The following ZNF608 variants were observed in gnomAD, a reference collection of about 807,000 sequenced individuals.
ZNF608 encodes the protein zinc finger protein 608.
In ZNF608, 12 loss-of-function variants were observed where a neutral mutation model predicts 109.0. The ratio of observed to expected loss-of-function variants is 0.11; its 90% CI spans 0.07 to 0.18. The LOEUF (loss-of-function observed/expected upper bound fraction) is 0.18, where lower values mean the gene tolerates loss of function less well. Ranked by LOEUF, ZNF608 falls within the 10% of genes least tolerant of loss-of-function variation. The pLI is 1.00. For missense variants in ZNF608, 1,707 were observed against 1,879.3 expected (o/e 0.91, Z 1.70); for synonymous variants, 732 against 717.4 (o/e 1.02, Z -0.33).
chr5:124,675,710 T>C (rs1371172889), intron 3 of ZNF608, among the ~76,000 whole-genome samples: 1 of 152,200 alleles, frequency 6.6e-6, no homozygotes, highest in Non-Finnish European at 1.5e-5. Context: ...ATCTATCTGT[T>C]ATTTAAGGGA....
rs375485164 is a variant in ZNF608, at chr5:124,723,302, T to C, written c.906+20782A>G. On this transcript the variant is annotated intron_variant, in intron 2 of 9. Transcript: ENST00000513986. ...GGGATTATAGGCGTGAGCCGCGCCC[T>C]GCCTTATAGTCAGATTTATAATTCA... 1.5e-4 allele frequency among the ~76,000 whole-genome samples: 23 copies of C among 152,312 alleles called. No homozygotes were observed. In the East Asian group the frequency reaches 3.7e-3, roughly 24 times the overall value.
rs1273480328 is a variant in ZNF608, at chr5:124,646,808, C to G, written c.3576G>C (p.Gln1192His). ...KSQLLSNHQQ[Q>H]LQADSFKAKQ... ...TAGCTTTGAAGCTGTCGGCCTGAAG[C>G]TGCTGCTGGTGATTGGAGAGAAGCT... Residue 1192 changes from glutamine (Q) to histidine (H), a missense_variant, in exon 5 of 10, where the codon CAG becomes CAC. This residue lies in a region of ZNF608 where 1,073 missense variants were observed against 1,133.5 expected (regional missense o/e 0.95). Transcript: ENST00000513986. The G allele has an allele frequency of 6.2e-6, 10 of 1,614,254 alleles. No individual in the cohort carries two copies. Among genetic ancestry groups the G allele is most frequent in the Non-Finnish European group, 7.6e-6 (9 of 1,180,052 alleles).
rs192638165 is a variant in ZNF608 at position 124,688,574 on chromosome 5, T to A, written c.1162+12440A>T. 4.6e-5 allele frequency among the ~76,000 whole-genome samples: 7 copies of A among 152,364 alleles called. No homozygotes were observed. The East Asian group carries it at 9.6e-4, about 21-fold the overall frequency. ...TTAGGGGAAGCAGTTAGGCAATATG[T>A]GTTTCTACTACATTAGAAATGTTTG... On this transcript the variant is annotated intron_variant, in intron 3 of 9. Coordinates refer to ENST00000513986, the MANE Select transcript of ZNF608 (RefSeq NM_020747.3).
chr5:124,690,053 T>C (rs985239893), intron 3 of ZNF608, among the ~76,000 whole-genome samples: 2 of 152,180 alleles, frequency 1.3e-5, no homozygotes, highest in African/African-American at 2.4e-5. Context: ...CTCCCAAGCA[T>C]TGAGTTATTG....
intron 3 of ZNF608, among the ~76,000 whole-genome samples, chr5:124,652,026 C>A (rs1750809178): frequency 6.6e-6 from 1 of 152,260 alleles, no homozygotes; most frequent in Non-Finnish European, 1.5e-5. Flanking sequence ...CACGCCGGCC[C>A]ACGCAGAACC....
rs1441089120 is a variant in ZNF608, at chr5:124,641,275, G to A, written c.4427C>T (p.Pro1476Leu). 1 of 1,613,670 alleles carries A rather than the reference G, an allele frequency of 6.2e-7. No individual in the cohort carries two copies. The highest frequency in any genetic ancestry group is 1.3e-5 in the African/African-American group (1 of 74,904). ...ACCTTGAAAAGGGTCATATTGACCC[G>A]GGATTAGCGGGTAACCCATGCCAAC... ...THVGMGYPLI[P>L]GQYDPFQGLT... The change falls in exon 8 of 10, where the codon CCG becomes CTG. Residue 1476 changes from proline to leucine, a missense_variant. By Grantham distance (98) the Pro-to-Leu change is moderately conservative. Around this residue, in one of 7 missense-constraint regions of ZNF608, gnomAD observed 1,073 missense variants for 1,133.5 expected, o/e 0.95. Coordinates refer to ENST00000513986, the MANE Select transcript of ZNF608 (RefSeq NM_020747.3).
chr5:124,685,041 G>C (rs947604931), intron 3 of ZNF608, among the ~76,000 whole-genome samples: 1 of 152,138 alleles, frequency 6.6e-6, no homozygotes, highest in Non-Finnish European at 1.5e-5. Flanking sequence ...AATAAACACA[G>C]TATTTTGTAT....
chr5:124,696,187 G>GA (rs570623715), intron 3 of ZNF608, among the ~76,000 whole-genome samples: 134 of 122,362 alleles, frequency 1.1e-3, no homozygotes, highest in Admixed American at 2.5e-3. Context: ...TCCGTCTCAA[G>GA]AAAAAAAAAA....
At chr5:124,720,885 C>A (rs189446712) in intron 2 of ZNF608, among the ~76,000 whole-genome samples, 24 of 137,954 alleles carry the variant, frequency 1.7e-4, no homozygotes, top group African/African-American at 5.3e-4. Flanking sequence ...AACAACTTTC[C>A]CAAGGTCACA....
At chr5:124,656,799 A>AACACACACACACACACACAC (rs35634231) in intron 3 of ZNF608, among the ~76,000 whole-genome samples, 1 of 123,920 alleles carries the variant, frequency 8.1e-6, no homozygotes, top group Admixed American at 8.2e-5. Flanking sequence ...ATAAGCCCTA[A>AACACACACACACACACACAC]ACACACACAC....
chr5:124,691,030 A>G (rs574010188), intron 3 of ZNF608, among the ~76,000 whole-genome samples: 1 of 152,068 alleles, frequency 6.6e-6, no homozygotes, highest in South Asian at 2.1e-4. Context: ...GTTATTTGCT[A>G]TAATCCCAGG....
At position 124,701,244 on chromosome 5, in the gene ZNF608, G is replaced by A. The variant is rs745741299; in HGVS notation, c.932C>T (p.Ala311Val). The A allele has an allele frequency of 6.8e-6, 11 of 1,613,974 alleles. No individual in the cohort carries two copies. The highest frequency in any genetic ancestry group is 5.0e-5 in the Admixed American group (3 of 59,998). The change falls in exon 3 of 10, where the codon GCG (alanine) becomes GTG (valine). Residue 311 changes from alanine (A) to valine (V), a missense_variant. Physicochemically the swap from Ala to Val is moderately conservative, Grantham distance 64 (BLOSUM62 0). This residue lies in a region of ZNF608 where 407 missense variants were observed against 398.7 expected (regional missense o/e 1.02). Transcript: ENST00000513986. ...ACTGCTGGAAATCGGCGGTGGTGGC[G>A]CTGGCACTGTAAACAGGGGGTCAAC... Reference protein sequence around the residue: ...EKVDPLFTVPAPPPPISSSLT... With the variant: ...EKVDPLFTVPVPPPPISSSLT...
At chr5:124,727,900 C>T (rs533032239) in intron 2 of ZNF608, among the ~76,000 whole-genome samples, 3 of 151,970 alleles carry the variant, frequency 2.0e-5, no homozygotes, top group Non-Finnish European at 2.9e-5. Flanking sequence ...CCACCATGCC[C>T]GACTAATTTT....
At chr5:124,681,448 C>T (rs762662523) in intron 3 of ZNF608, among the ~76,000 whole-genome samples, 3 of 152,000 alleles carry the variant, frequency 2.0e-5, no homozygotes, top group East Asian at 1.9e-4. Flanking sequence ...CAGAGCGAGA[C>T]TCCATCTCAA....
intron 6 of ZNF608, among the ~76,000 whole-genome samples, 179 bp from the exon 7 acceptor site, chr5:124,643,862 A>G (rs967094249): frequency 1.3e-5 from 2 of 152,212 alleles, no homozygotes; most frequent in African/African-American, 4.8e-5. Context: ...CTCCCAGTTA[A>G]TTCATCCTGA....
rs1029369968 is a variant in ZNF608 at position 124,711,177 on chromosome 5, C to T, written c.907-9908G>A. Among the ~76,000 whole-genome samples, 7 of 152,298 alleles carry T rather than the reference C, an allele frequency of 4.6e-5. No homozygotes were observed. In the East Asian group the frequency reaches 5.8e-4, roughly 13 times the overall value. ...GCTGCTTGCTCACAGGTCCAGAATT[C>T]GGTTTCCCCACCTTGAGAACACAGC... On this transcript the variant is annotated intron_variant, in intron 2 of 9. Transcript: ENST00000513986.
rs114021293 is a variant in ZNF608, at chr5:124,670,960, T to C, written c.1163-21263A>G. On this transcript the variant is annotated intron_variant, in intron 3 of 9. Coordinates refer to ENST00000513986, the MANE Select transcript of ZNF608 (RefSeq NM_020747.3). ...GGAAATTTGGTAACCATAGTTTCTG[T>C]ATCCTGCTGAGACTTGATATGTAGA... is the stretch of plus-strand genomic sequence containing the variant. 7.2e-3 allele frequency among the ~76,000 whole-genome samples: 1,091 copies of C among 152,360 alleles called. 21 individuals carry two copies. Among genetic ancestry groups the C allele is most frequent in the African/African-American group, 0.024 (983 of 41,586 alleles).
In ZNF608 at chr5:124,648,059, A is replaced by C. The variant is rs1750612035; in HGVS notation, c.2325T>G (p.Val775=). 3 of 1,614,094 alleles carry C rather than the reference A, an allele frequency of 1.9e-6. No individual in the cohort carries two copies. Among genetic ancestry groups the C allele is most frequent in the African/African-American group, 2.7e-5 (2 of 74,994 alleles). ...GAGGACTCTTTGGTGTAGCCTGAAC[A>C]ACAGTTGTTGTGAGGGAGGGCAGTC... The part of the protein sequence containing the change: ...IPGLPSLTTT[V]VQATPKSPPL... The change falls in exon 5 of 10, where the codon GTT becomes GTG. Residue 775 remains valine (V), a synonymous_variant. Transcript: ENST00000513986.
intron 3 of ZNF608, among the ~76,000 whole-genome samples, chr5:124,658,572 G>T (rs1361627277): frequency 6.6e-6 from 1 of 152,164 alleles, no homozygotes; most frequent in Non-Finnish European, 1.5e-5. Context: ...CCTGCTCCTT[G>T]TCAGGCACCA....
Sources: gnomAD v4.1 joint callset for allele counts (sites outside exome capture counted in the v4.1 genomes callset) on GRCh38, gnomAD v4.1.1 for gene constraint, gnomAD v4.1.1 regional missense constraint, MANE v1.5 for transcripts, NCBI Gene and HGNC (gene_info 2026-07-23, HGNC 2026-07-21) for gene names.